The following SESN1 variants were observed in gnomAD, a reference collection of about 807,000 sequenced individuals.
SESN1 encodes sestrin 1.
In SESN1, 30 loss-of-function variants were observed where a neutral mutation model predicts 59.3. That is an observed-to-expected ratio of 0.51 (90% CI 0.38 to 0.69). SESN1 has a LOEUF of 0.69. Among genes scored for constraint, SESN1 ranks in the 30% least tolerant of loss-of-function variants. The pLI, the probability that SESN1 is intolerant of heterozygous loss-of-function variation, is 0.00. For synonymous variants in SESN1, 197 were observed against 219.9 expected (o/e 0.90, Z 0.92); for missense variants, 566 against 673.0 (o/e 0.84, Z 1.76).
At chr6:109,036,501 T>C (rs1301971958) in intron 1 of SESN1, among the ~76,000 whole-genome samples, 1 of 152,194 alleles carries the variant, frequency 6.6e-6, no homozygotes, top group Non-Finnish European at 1.5e-5. Context: ...TTTCTGATGC[T>C]GGGATCTAGT....
In SESN1 at chr6:109,034,665, G is replaced by A. The variant is rs764029815; in HGVS notation, c.280-32322C>T. Among the ~76,000 whole-genome samples, 63 of 152,348 alleles carry A rather than the reference G, an allele frequency of 4.1e-4. 2 individuals are homozygous for A. The Middle Eastern group carries it at 0.01, about 25-fold the overall frequency. ...CAAGTTACTAAGCTCTGGCCAGTGA[G>A]ATACAAAAGGGAATGGGAGTGTGCA... On this transcript the variant is annotated intron_variant, in intron 1 of 9. Transcript: ENST00000436639.
intron 1 of SESN1, among the ~76,000 whole-genome samples, chr6:109,076,392 T>G (rs1781033868): frequency 6.6e-6 from 1 of 152,206 alleles, no homozygotes; most frequent in Non-Finnish European, 1.5e-5. Context: ...CATAGTAACA[T>G]TCTAGGGAAA....
chr6:109,041,807 A>G (rs1780347970), intron 1 of SESN1, among the ~76,000 whole-genome samples: 1 of 152,220 alleles, frequency 6.6e-6, no homozygotes, highest in African/African-American at 2.4e-5. Context: ...ACAGAAAATC[A>G]GCAAAAATGT....
In SESN1 at chr6:109,024,806, G is replaced by A. The variant is rs896604188; in HGVS notation, c.280-22463C>T. 1.2e-3 allele frequency among the ~76,000 whole-genome samples: 188 copies of A among 152,312 alleles called. 1 individual carries two copies. Among genetic ancestry groups the A allele is most frequent in the African/African-American group, 4.0e-3 (168 of 41,560 alleles). ...GCCACTGCCCAGCATTGTGAGTATC[G>A]TACTACTTTCCACAGCATTTTTCTA... On this transcript the variant is annotated intron_variant, in intron 1 of 9. Transcript: ENST00000436639.
intron 1 of SESN1, 71 bp downstream of exon 1, chr6:109,093,724 C>G: frequency 6.9e-7 from 1 of 1,455,496 alleles, no homozygotes; most frequent in Non-Finnish European, 9.4e-7. Context: ...GAAACAAACA[C>G]AACGTGAATA....
In SESN1 at chr6:109,094,269, C is replaced by G; in HGVS notation, c.-196G>C. On this transcript the variant is annotated 5_prime_UTR_variant, in exon 1 of 10. Transcript: ENST00000436639. ...AGCTAGGTCACCCTCTCACCCTCTC[C>G]TTGTACACGAAAGGGCAGTCTTCTT... 1.7e-6 allele frequency: 1 copy of G among 598,048 alleles called. No individual in the cohort carries two copies. The highest frequency in any genetic ancestry group is 2.9e-6 in the Non-Finnish European group (1 of 343,830). 37.0% of individuals were successfully genotyped at this position (598,048 alleles called of 1,614,324 possible). A position where few individuals can be genotyped will look rare whatever the true frequency, so the allele number is the denominator to read the frequency against.
chr6:109,050,388 T>TAA (rs571788136), intron 1 of SESN1, among the ~76,000 whole-genome samples: 5,092 of 134,046 alleles, frequency 0.038, 163 homozygotes, highest in African/African-American at 0.076. Flanking sequence ...TTTAAATTGT[T>TAA]AAAAAAAAAA....
At chr6:109,085,392 A>G (rs1261395217) in intron 1 of SESN1, among the ~76,000 whole-genome samples, 1 of 152,000 alleles carries the variant, frequency 6.6e-6, no homozygotes, top group Non-Finnish European at 1.5e-5. Flanking sequence ...GGTGGCGGGC[A>G]CCTGTAGTCC....
intron 5 of SESN1, among the ~76,000 whole-genome samples, chr6:108,997,000 G>C (rs550562084): frequency 1.5e-4 from 22 of 147,632 alleles, no homozygotes; most frequent in Non-Finnish European, 1.4e-4. Flanking sequence ...ACTATGGAGA[G>C]AGTAAAGAAA....
Position 108,987,301 on chromosome 6 carries a change from TG to T in SESN1, c.*242del. 2.4e-6 allele frequency: 1 copy of T among 421,184 alleles called. No individual in the cohort carries two copies. Among genetic ancestry groups the T allele is most frequent in the Admixed American group, 4.2e-5 (1 of 23,932 alleles). 26.1% of individuals were successfully genotyped at this position (421,184 alleles called of 1,614,324 possible). A position where few individuals can be genotyped will look rare whatever the true frequency, so the allele number is the denominator to read the frequency against. Reference sequence around the variant, plus strand: ...AAAACAGTTACACAGCATCTTGTACTGTCAAAAAGCAAAATACTGTGAATGG... The same window carrying T: ...AAAACAGTTACACAGCATCTTGTACTTCAAAAAGCAAAATACTGTGAATGG... On this transcript the variant is annotated 3_prime_UTR_variant, in exon 10 of 10. Coordinates refer to ENST00000436639, the MANE Select transcript of SESN1 (RefSeq NM_014454.3).
chr6:109,050,972 T>C (rs1259472776), intron 1 of SESN1, among the ~76,000 whole-genome samples: 1 of 152,226 alleles, frequency 6.6e-6, no homozygotes, highest in African/African-American at 2.4e-5. Flanking sequence ...ACGTTTGTTA[T>C]GGTTAAAGTT....
At chr6:109,068,087 C>G (rs1427960049) in intron 1 of SESN1, among the ~76,000 whole-genome samples, 1 of 152,176 alleles carries the variant, frequency 6.6e-6, no homozygotes, top group Non-Finnish European at 1.5e-5. Flanking sequence ...TACACTCAAC[C>G]TTTGCCCCTG....
At chr6:109,017,545 A>G (rs949649679) in intron 1 of SESN1, among the ~76,000 whole-genome samples, 1 of 152,164 alleles carries the variant, frequency 6.6e-6, no homozygotes, top group Non-Finnish European at 1.5e-5. Context: ...TTGGCCTCCC[A>G]AAGTGCTGGG....
chr6:109,084,524 G>T (rs1278837422), intron 1 of SESN1, among the ~76,000 whole-genome samples: 4 of 152,134 alleles, frequency 2.6e-5, no homozygotes, highest in Non-Finnish European at 5.9e-5. Flanking sequence ...TTGCACTCCA[G>T]CCTGGGCAAC....
At position 108,990,812 on chromosome 6, in the gene SESN1, A is replaced by G; in HGVS notation, c.1257T>C (p.Gly419=). Residue 419 remains glycine (G), a synonymous_variant, in exon 8 of 10, where the codon GGT becomes GGC. Transcript: ENST00000436639. ...GATAAAGGCGATTTACCAAAGAATA[A>G]CCATGATCTTCCCAGCAATAGTCCT... The part of the protein sequence containing the change: ...RVQDYCWEDH[G]YSLVNRLYPD... 1.9e-6 allele frequency: 3 copies of G among 1,613,998 alleles called. No individual in the cohort carries two copies. Among genetic ancestry groups the G allele is most frequent in the East Asian group, 2.2e-5 (1 of 44,872 alleles).
At chr6:109,049,350 G>C (rs896181467) in intron 1 of SESN1, among the ~76,000 whole-genome samples, 1 of 151,930 alleles carries the variant, frequency 6.6e-6, no homozygotes, top group Non-Finnish European at 1.5e-5. Flanking sequence ...GGAAGTAAAA[G>C]GTAGAAGAGA....
intron 1 of SESN1, among the ~76,000 whole-genome samples, chr6:109,037,142 C>G (rs17070139): frequency 0.092 from 14,028 of 152,160 alleles, 866 homozygotes; most frequent in Middle Eastern, 0.19. Context: ...GGCCATAAGT[C>G]CAGAAAAACA....
At chr6:109,079,632 T>C (rs1454387519) in intron 1 of SESN1, among the ~76,000 whole-genome samples, 2 of 152,220 alleles carry the variant, frequency 1.3e-5, no homozygotes, top group Non-Finnish European at 1.5e-5. Flanking sequence ...TCAACAATTA[T>C]GTTGGTTCGG....
intron 1 of SESN1, among the ~76,000 whole-genome samples, chr6:109,065,718 T>A (rs559857737): frequency 6.6e-6 from 1 of 152,062 alleles, no homozygotes; most frequent in Non-Finnish European, 1.5e-5. Context: ...TTCTGACATA[T>A]GTGATTGTAA....
Sources: gnomAD v4.1 joint callset for allele counts (sites outside exome capture counted in the v4.1 genomes callset) on GRCh38, gnomAD v4.1.1 for gene constraint, MANE v1.5 for transcripts, NCBI Gene and HGNC (gene_info 2026-07-23, HGNC 2026-07-21) for gene names.